The following ITCH variants were observed in gnomAD, a reference collection of about 807,000 sequenced individuals.
ITCH encodes the protein E3 ubiquitin-protein ligase Itchy homolog.
In ITCH, 28 loss-of-function variants were observed where a neutral mutation model predicts 126.8. The observed-to-expected ratio is 0.22, with a 90% CI of 0.16 to 0.30. The LOEUF (loss-of-function observed/expected upper bound fraction) is 0.30, where lower values mean the gene tolerates loss of function less well. Ranked by LOEUF, ITCH falls within the 10% of genes least tolerant of loss-of-function variation. The probability of loss-of-function intolerance (pLI) is 1.00; values close to 1 mark genes in which losing one functional copy is unlikely to be tolerated. For missense variants in ITCH, 631 were observed against 1,032.4 expected (o/e 0.61, Z 5.33); for synonymous variants, 342 against 340.0 (o/e 1.01, Z -0.06).
intron 2 of ITCH, among the ~76,000 whole-genome samples, chr20:34,385,215 GTGTGTGGTT>G (rs2038233224): frequency 6.0e-5 from 8 of 133,308 alleles, no homozygotes; most frequent in Admixed American, 2.3e-4. Context: ...GTGTGTGTGT[GTGTGTGGTT>G]TTTTTTTTTT....
chr20:34,499,272 CTTTTTTTTTTTTTTTTTTTT>C lies in ITCH; in HGVS notation c.2417-5044_2417-5025del, dbSNP rs386393666. 6.9e-4 allele frequency among the ~76,000 whole-genome samples: 16 copies of C among 23,034 alleles called. No individual in the cohort carries two copies. The South Asian group carries it at 0.035, about 50-fold the overall frequency. The allele number at this position is 23,034 out of a possible 152,430, so 15.1% of individuals were successfully genotyped here. A position where few individuals can be genotyped will look rare whatever the true frequency, so the allele number is the denominator to read the frequency against. The stretch of plus-strand genomic sequence containing the variant: ...TACAGGCGTGAGCCACTGTGCCCAG[CTTTTTTTTTTTTTTTTTTTT>C]TTTTTTTTTTTTTTGAGACAGTCTT... On this transcript the variant is annotated intron_variant, in intron 23 of 24. Coordinates refer to ENST00000374864, the MANE Select transcript of ITCH (RefSeq NM_031483.7).
intron 2 of ITCH, among the ~76,000 whole-genome samples, chr20:34,380,007 C>T (rs1001268583): frequency 6.7e-6 from 1 of 149,936 alleles, no homozygotes; most frequent in Admixed American, 6.9e-5. Context: ...AGCAATTCTC[C>T]TGCCTCAGTC....
At chr20:34,382,487 A>G (rs547955521) in intron 2 of ITCH, among the ~76,000 whole-genome samples, 7 of 152,006 alleles carry the variant, frequency 4.6e-5, no homozygotes, top group Middle Eastern at 6.8e-3. Context: ...GCATACTGCA[A>G]CCTCTGCCTC....
At chr20:34,464,805 G>A (rs1442110698) in intron 14 of ITCH, among the ~76,000 whole-genome samples, 1 of 151,888 alleles carries the variant, frequency 6.6e-6, no homozygotes, top group South Asian at 2.1e-4. Context: ...CTACCGCCTG[G>A]GTTGAAGCGA....
chr20:34,442,457 C>G (rs1158268783), intron 10 of ITCH, among the ~76,000 whole-genome samples, 154 bp downstream of exon 10: 1 of 152,164 alleles, frequency 6.6e-6, no homozygotes, highest in Non-Finnish European at 1.5e-5. Flanking sequence ...AAGAAGAGAG[C>G]TAGACAACTG....
chr20:34,373,390 C>T (rs1223992533), intron 2 of ITCH, among the ~76,000 whole-genome samples: 5 of 151,934 alleles, frequency 3.3e-5, no homozygotes, highest in Non-Finnish European at 7.4e-5. Flanking sequence ...ATTCTCCTGC[C>T]TCAGCCTCCT....
intron 15 of ITCH, among the ~76,000 whole-genome samples, chr20:34,470,879 C>G (rs1010157389): frequency 4.6e-5 from 7 of 152,156 alleles, no homozygotes; most frequent in Admixed American, 1.3e-4. Flanking sequence ...ACCAGCATGC[C>G]CGGACACCAG....
At chr20:34,433,338 T>C (rs554369595) in intron 7 of ITCH, among the ~76,000 whole-genome samples, 3 of 152,292 alleles carry the variant, frequency 2.0e-5, no homozygotes, top group East Asian at 1.9e-4. Flanking sequence ...TTTCAAAATA[T>C]TTGCATGTTT....
rs1978798540 is a variant in ITCH, at chr20:34,511,436, T to C, written c.*3642T>C. 6.6e-6 allele frequency: 1 copy of C among 152,188 alleles called. No homozygotes were observed. Among genetic ancestry groups the C allele is most frequent in the African/African-American group, 2.4e-5 (1 of 41,448 alleles). The allele number at this position is 152,188 out of a possible 1,614,324, so 9.4% of individuals were successfully genotyped here. A position where few individuals can be genotyped will look rare whatever the true frequency, so the allele number is the denominator to read the frequency against. Reference sequence around the variant, plus strand: ...CAGTCTTGGGTAAGGAGGGGTCTCTTTCCTCTCTCCCCGGCCCCACCTTCT... The same window carrying C: ...CAGTCTTGGGTAAGGAGGGGTCTCTCTCCTCTCTCCCCGGCCCCACCTTCT... On this transcript the variant is annotated 3_prime_UTR_variant, in exon 25 of 25. Transcript: ENST00000374864.
At chr20:34,388,457 T>C (rs906699582) in intron 2 of ITCH, among the ~76,000 whole-genome samples, 1 of 152,128 alleles carries the variant, frequency 6.6e-6, no homozygotes, top group African/African-American at 2.4e-5. Context: ...TTATCACAGC[T>C]CACTGCAGCC....
At chr20:34,504,486 G>GAT (rs1990494548) in intron 24 of ITCH, 83 bp downstream of exon 24, 7 of 905,794 alleles carry the variant, frequency 7.7e-6, no homozygotes, top group Non-Finnish European at 1.3e-5. Flanking sequence ...AATTAAAAAT[G>GAT]ATATTTAGTA....
At chr20:34,369,355 T>C in intron 1 of ITCH, 39 bp from the exon 2 acceptor site, 1 of 381,962 alleles carries the variant, frequency 2.6e-6, no homozygotes, top group Non-Finnish European at 4.6e-6. Flanking sequence ...CAAAAAAATA[T>C]AGAAGTAATG....
At chr20:34,372,398 T>TTTTTTTTTTTTTTA (rs1568853572) in intron 2 of ITCH, among the ~76,000 whole-genome samples, 2 of 142,674 alleles carry the variant, frequency 1.4e-5, no homozygotes, top group African/African-American at 5.3e-5. Context: ...TTTTTTTTTT[T>TTTTTTTTTTTTTTA]GAGAGGGAAT....
At chr20:34,487,495 T>C (rs1162084830) in intron 20 of ITCH, among the ~76,000 whole-genome samples, 1 of 152,244 alleles carries the variant, frequency 6.6e-6, no homozygotes, top group East Asian at 1.9e-4. Flanking sequence ...TTGCCTTCTT[T>C]GAATAAAGCA....
At chr20:34,503,882 TTGG>T (rs1369721153) in intron 23 of ITCH, among the ~76,000 whole-genome samples, 3,030 of 116,676 alleles carry the variant, frequency 0.026, 166 homozygotes, top group Middle Eastern at 0.042. Context: ...TTTTTTTTTT[TTGG>T]TTTTTTTTTT....
intron 2 of ITCH, among the ~76,000 whole-genome samples, chr20:34,371,669 A>G (rs2037636622): frequency 6.6e-6 from 1 of 152,184 alleles, no homozygotes; most frequent in Non-Finnish European, 1.5e-5. Context: ...AAAATATTTA[A>G]AAGTATTATT....
intron 24 of ITCH, among the ~76,000 whole-genome samples, chr20:34,506,942 A>G (rs1177904956): frequency 3.3e-5 from 5 of 152,334 alleles, no homozygotes; most frequent in Admixed American, 2.0e-4. Context: ...TAGTCTGGAT[A>G]TACTACATTT....
Position 34,479,704 on chromosome 20 carries a change from A to T in ITCH, c.1733A>T (p.Asn578Ile), listed in dbSNP as rs1372710627. The T allele has an allele frequency of 6.2e-7, 1 of 1,613,776 alleles. No individual in the cohort carries two copies. Among genetic ancestry groups the T allele is most frequent in the Non-Finnish European group, 8.5e-7 (1 of 1,179,762 alleles). Residue 578 changes from asparagine (N) to isoleucine (I), a missense_variant, in exon 18 of 25, where the codon AAC becomes ATC. Physicochemically the swap from Asn to Ile is moderately radical, Grantham distance 149. This residue lies in a region of ITCH where 390 missense variants were observed against 731.6 expected (regional missense o/e 0.53). Coordinates refer to ENST00000374864, the MANE Select transcript of ITCH (RefSeq NM_031483.7). ...YCLFEYAGKDNYCLQINPASY... is the reference protein window; with the variant it reads ...YCLFEYAGKDIYCLQINPASY... ...CTGTTTGAATATGCAGGGAAGGATA[A>T]CTACTGCTTGCAGATAAACCCCGCT...
intron 2 of ITCH, among the ~76,000 whole-genome samples, chr20:34,373,750 C>A (rs77692101): frequency 1.1e-4 from 16 of 152,228 alleles, no homozygotes; most frequent in African/African-American, 2.2e-4. Context: ...TCGTCACTTA[C>A]AGGTTAAGAA....
Sources: gnomAD v4.1 joint callset for allele counts (sites outside exome capture counted in the v4.1 genomes callset) on GRCh38, gnomAD v4.1.1 for gene constraint, gnomAD v4.1.1 regional missense constraint, MANE v1.5 for transcripts, NCBI Gene and HGNC (gene_info 2026-07-23, HGNC 2026-07-21) for gene names.